Variants in PDE4D observed in about 807,000 individuals in gnomAD.
PDE4D encodes the protein 3',5'-cyclic-AMP phosphodiesterase 4D.
PDE4D carries 24 observed loss-of-function variants against 87.4 expected under a neutral mutation model. The observed-to-expected ratio is 0.27, with a 90% CI of 0.20 to 0.39. The LOEUF (loss-of-function observed/expected upper bound fraction) is 0.39, where lower values mean the gene tolerates loss of function less well. Ranked by LOEUF, PDE4D falls within the 10% of genes least tolerant of loss-of-function variation. PDE4D has a pLI of 1.00. For missense variants in PDE4D, 714 were observed against 1,041.0 expected, an observed-to-expected ratio of 0.69 and a Z score of 4.32; for synonymous variants, 384 against 383.2, an observed-to-expected ratio of 1.00 and a Z score of -0.02.
intron 1 of PDE4D, among the ~76,000 whole-genome samples, chr5:60,199,317 A>C (rs914637611): frequency 1.8e-4 from 28 of 151,716 alleles, no homozygotes; most frequent in African/African-American, 6.8e-4. Flanking sequence ...GATTATCCAA[A>C]TAGCTGTTCA....
intron 6 of PDE4D, among the ~76,000 whole-genome samples, chr5:59,023,189 A>AG (rs1554048678): frequency 4.7e-5 from 7 of 150,346 alleles, no homozygotes; most frequent in South Asian, 2.1e-4. Flanking sequence ...AAAAAAAAAA[A>AG]AGAGAGAGAG....
chr5:59,692,582 C>T (rs1372386625), intron 1 of PDE4D, among the ~76,000 whole-genome samples: 1 of 152,130 alleles, frequency 6.6e-6, no homozygotes, highest in Admixed American at 6.6e-5. Context: ...TGTGTTTCCT[C>T]TGCAATCTCA....
At chr5:60,279,436 C>A (rs1382484502) in intron 1 of PDE4D, among the ~76,000 whole-genome samples, 1 of 152,080 alleles carries the variant, frequency 6.6e-6, no homozygotes, top group Non-Finnish European at 1.5e-5. Flanking sequence ...CCAGTGTGGA[C>A]ATTGGGGTAC....
chr5:60,394,219 CA>C (rs1487313950), intron 1 of PDE4D, among the ~76,000 whole-genome samples: 1 of 152,152 alleles, frequency 6.6e-6, no homozygotes, highest in Non-Finnish European at 1.5e-5. Flanking sequence ...CTAACACATA[CA>C]AAGAATTTTT....
At chr5:59,877,163 C>G (rs567148611) in intron 1 of PDE4D, among the ~76,000 whole-genome samples, 2 of 152,018 alleles carry the variant, frequency 1.3e-5, no homozygotes, top group Non-Finnish European at 1.5e-5. Flanking sequence ...CCTAGAGAAA[C>G]AAGCAAAAGA....
chr5:60,509,352 A>G (rs995265722), intron 1 of PDE4D, among the ~76,000 whole-genome samples: 1 of 152,200 alleles, frequency 6.6e-6, no homozygotes, highest in African/African-American at 2.4e-5. Flanking sequence ...TCAGCTGGAA[A>G]TACACATGTG....
At chr5:59,032,898 A>C (rs973314471) in intron 6 of PDE4D, among the ~76,000 whole-genome samples, 9 of 152,172 alleles carry the variant, frequency 5.9e-5, no homozygotes, top group Non-Finnish European at 1.0e-4. Flanking sequence ...GGTAAGGCCT[A>C]TTGCCCAAAA....
chr5:59,712,236 C>G (rs568937207), intron 1 of PDE4D, among the ~76,000 whole-genome samples: 12 of 151,674 alleles, frequency 7.9e-5, no homozygotes, highest in African/African-American at 2.9e-4. Flanking sequence ...CTCTCTCTAC[C>G]ATATTCATTA....
rs1225002143 is a variant in PDE4D at position 60,197,025 on chromosome 5, A to ATAGG, written c.-89-11339_-89-11338insCCTA. Among the ~76,000 whole-genome samples the ATAGG allele has an allele frequency of 2.3e-4, 17 of 73,830 alleles. 1 individual carries two copies. In the East Asian group the frequency reaches 5.8e-3, roughly 25 times the overall value. 48.4% of individuals were successfully genotyped at this position (73,830 alleles called of 152,430 possible). A position where few individuals can be genotyped will look rare whatever the true frequency, so the allele number is the denominator to read the frequency against. On this transcript the variant is annotated intron_variant, in intron 1 of 16. Coordinates refer to the PDE4D transcript ENST00000502484. ...TGGCAAAAACAAGATAGGCAGATAG[A>ATAGG]TAGATAGATAGATAGATAGATAGAT...
chr5:59,770,886 C>T (rs999471781), intron 1 of PDE4D, among the ~76,000 whole-genome samples: 10 of 152,100 alleles, frequency 6.6e-5, no homozygotes, highest in African/African-American at 2.2e-4. Flanking sequence ...AATCTCATCA[C>T]TTTGGGAGGC....
chr5:59,269,010 G>A (rs576038151), intron 1 of PDE4D, among the ~76,000 whole-genome samples: 1 of 152,082 alleles, frequency 6.6e-6, no homozygotes, highest in Admixed American at 6.6e-5. Context: ...GATTGACAGA[G>A]GAACTACTAA....
intron 1 of PDE4D, among the ~76,000 whole-genome samples, chr5:59,402,976 T>C (rs954412140): frequency 5.3e-5 from 8 of 152,226 alleles, no homozygotes; most frequent in African/African-American, 1.9e-4. Context: ...AACCAAATGA[T>C]GTGCCATAAT....
At chr5:59,771,427 A>AAAAG (rs1211022004) in intron 1 of PDE4D, among the ~76,000 whole-genome samples, 4,748 of 121,016 alleles carry the variant, frequency 0.039, 165 homozygotes, top group South Asian at 0.075. Flanking sequence ...GAAAGAAAGA[A>AAAAG]AAAGAAAAAG....
chr5:59,850,110 A>G (rs777705781), intron 1 of PDE4D, among the ~76,000 whole-genome samples: 1 of 152,030 alleles, frequency 6.6e-6, no homozygotes, highest in Non-Finnish European at 1.5e-5. Context: ...CCCAGGAGAA[A>G]TAAATCAAAT....
chr5:59,280,301 A>C (rs1014381955), intron 1 of PDE4D, among the ~76,000 whole-genome samples: 9 of 152,150 alleles, frequency 5.9e-5, no homozygotes, highest in Admixed American at 3.9e-4. Context: ...GTAACGTATA[A>C]ATTTCAATAT....
chr5:60,026,889 C>T (rs1766685494), intron 2 of PDE4D, among the ~76,000 whole-genome samples: 1 of 152,048 alleles, frequency 6.6e-6, no homozygotes, highest in Admixed American at 6.5e-5. Context: ...CTTCTTTTTT[C>T]TCCATACTAA....
intron 1 of PDE4D, among the ~76,000 whole-genome samples, chr5:59,687,717 A>T (rs962601435): frequency 3.9e-5 from 6 of 152,284 alleles, no homozygotes; most frequent in African/African-American, 1.4e-4. Context: ...CACACATAAC[A>T]ATATTAACCT....
chr5:60,494,355 A>T (rs1749698966), intron 1 of PDE4D, among the ~76,000 whole-genome samples: 1 of 152,182 alleles, frequency 6.6e-6, no homozygotes, highest in African/African-American at 2.4e-5. Context: ...ATTCCCTCCC[A>T]GAGCCACTTG....
chr5:59,421,623 A>T (rs983407800), intron 1 of PDE4D, among the ~76,000 whole-genome samples: 4 of 152,250 alleles, frequency 2.6e-5, no homozygotes, highest in African/African-American at 4.8e-5. Flanking sequence ...AAAAGACCAG[A>T]TGGTAAGAGT....
Sources: gnomAD v4.1 joint callset for allele counts (sites outside exome capture counted in the v4.1 genomes callset) on GRCh38, gnomAD v4.1.1 for gene constraint, MANE v1.5 for transcripts, NCBI Gene and HGNC (gene_info 2026-07-23, HGNC 2026-07-21) for gene names.